Variants in CHD2 observed in about 807,000 individuals in gnomAD.
CHD2 encodes the protein chromodomain helicase DNA binding protein 2, also known as ATP-dependent chromatin remodeler CHD2.
In CHD2, 28 loss-of-function variants were observed where a neutral mutation model predicts 243.9. That is an observed-to-expected ratio of 0.11 (90% CI 0.09 to 0.16). CHD2 has a LOEUF of 0.16. CHD2 is among the 10% of genes least tolerant of loss of function. The pLI, the probability that CHD2 is intolerant of heterozygous loss-of-function variation, is 1.00. For synonymous variants in CHD2, 775 were observed against 779.0 expected (o/e 0.99, Z 0.09); for missense variants, 1,386 against 2,209.8 (o/e 0.63, Z 7.47).
chr15:92,920,977 G>A (rs186889707), intron 2 of CHD2, among the ~76,000 whole-genome samples: 1 of 152,020 alleles, frequency 6.6e-6, no homozygotes, highest in Non-Finnish European at 1.5e-5. Context: ...AGCTGCCGGA[G>A]CTTTGGAGTG....
At chr15:92,906,161 G>T (rs1449215495) in intron 2 of CHD2, among the ~76,000 whole-genome samples, 2 of 152,090 alleles carry the variant, frequency 1.3e-5, no homozygotes, top group Admixed American at 1.3e-4. Flanking sequence ...AGTGTTCTTA[G>T]GTATGTTTGT....
chr15:92,947,776 T>G (rs1270707216), intron 12 of CHD2, among the ~76,000 whole-genome samples: 1 of 152,108 alleles, frequency 6.6e-6, no homozygotes, highest in Non-Finnish European at 1.5e-5. Flanking sequence ...GTTTTGGAGT[T>G]GAGAGTAAGC....
At chr15:93,010,713 T>G (rs1441227696) in intron 35 of CHD2, among the ~76,000 whole-genome samples, 2 of 152,316 alleles carry the variant, frequency 1.3e-5, no homozygotes, top group East Asian at 3.9e-4. Flanking sequence ...CATGAGCCAC[T>G]GCGCCCAGCC....
Position 93,020,328 on chromosome 15 carries a change from T to C in CHD2, c.5153+70T>C, listed in dbSNP as rs185298961. ...AGCTGTTTCTAGGGAGAAAGTGACG[T>C]ATACATGAATGTATTTATCTATCAA... On this transcript the variant is annotated intron_variant, in intron 38 of 38. Transcript: ENST00000394196. 6,846 of 1,567,242 alleles carry C rather than the reference T, an allele frequency of 4.4e-3. 26 individuals are homozygous for C. The highest frequency in any genetic ancestry group is 5.3e-3 in the Non-Finnish European group (6,012 of 1,139,458).
chr15:93,009,242 A>G lies in CHD2; in HGVS notation c.4511A>G (p.Asn1504Ser), dbSNP rs2141881607. Reference sequence around the variant, plus strand: ...CAAGAACAGCTGGAACACACCCGGAACTGCCTGCTGAAAATCGGAGACCGG... The same window carrying G: ...CAAGAACAGCTGGAACACACCCGGAGCTGCCTGCTGAAAATCGGAGACCGG... Reference protein sequence around the residue: ...NVQEQLEHTRNCLLKIGDRIA... With the variant: ...NVQEQLEHTRSCLLKIGDRIA... Residue 1504 changes from asparagine to serine, a missense_variant, in exon 35 of 39, where the codon AAC (asparagine) becomes AGC (serine). Physicochemically the swap from Asn to Ser is conservative, Grantham distance 46 (BLOSUM62 1). Transcript: ENST00000394196. The G allele has an allele frequency of 6.2e-7, 1 of 1,614,236 alleles. No individual in the cohort carries two copies. The highest frequency in any genetic ancestry group is 8.5e-7 in the Non-Finnish European group (1 of 1,180,032).
chr15:92,961,793 T>C (rs916167089), intron 16 of CHD2, among the ~76,000 whole-genome samples: 3 of 152,040 alleles, frequency 2.0e-5, no homozygotes, highest in African/African-American at 7.2e-5. Context: ...TCTTGGTCAG[T>C]TCTAGCTAAG....
chr15:92,912,379 C>T (rs550408293), intron 2 of CHD2, among the ~76,000 whole-genome samples: 10 of 152,268 alleles, frequency 6.6e-5, no homozygotes, highest in East Asian at 5.8e-4. Context: ...AATCTTGAGG[C>T]GGAGTCTCGC....
chr15:92,945,559 G>A lies in CHD2; in HGVS notation c.1154-262G>A, dbSNP rs189223977. 755 of 144,902 alleles carry A rather than the reference G, an allele frequency of 5.2e-3. 2 individuals are homozygous for A. The highest frequency in any genetic ancestry group is 7.9e-3 in the Non-Finnish European group (556 of 70,336). 9.0% of individuals were successfully genotyped at this position (144,902 alleles called of 1,614,324 possible). ...GGCACCCCCCACCCCCACCACGCCC[G>A]GCTAATTTCTATATTTTTAGTAGAG... On this transcript the variant is annotated intron_variant, in intron 10 of 38. Transcript: ENST00000394196.
chr15:92,955,303 T>C (rs948734835), intron 14 of CHD2, 120 bp from the exon 15 acceptor site: 3 of 575,364 alleles, frequency 5.2e-6, no homozygotes, highest in Admixed American at 4.1e-5. Context: ...GAGATATTCA[T>C]TGAATTCTAA....
rs1341007534 is a variant in CHD2 at position 93,024,810 on chromosome 15, A to G, written c.*105A>G. Reference sequence around the variant, plus strand: ...TAGACCAGTAAGTGGAGTTTTGGACATGCTGCTGCTGTCAACTCACTGGCT... The same window carrying G: ...TAGACCAGTAAGTGGAGTTTTGGACGTGCTGCTGCTGTCAACTCACTGGCT... On this transcript the variant is annotated 3_prime_UTR_variant, in exon 39 of 39. Coordinates refer to ENST00000394196, the MANE Select transcript of CHD2 (RefSeq NM_001271.4). 1.0e-6 allele frequency: 1 copy of G among 966,370 alleles called. No homozygotes were observed. Among genetic ancestry groups the G allele is most frequent in the Middle Eastern group, 3.2e-4 (1 of 3,154 alleles). The allele number at this position is 966,370 out of a possible 1,614,324, so 59.9% of individuals were successfully genotyped here. A position where few individuals can be genotyped will look rare whatever the true frequency, so the allele number is the denominator to read the frequency against.
intron 20 of CHD2, among the ~76,000 whole-genome samples, 170 bp downstream of exon 20, chr15:92,975,120 A>G (rs995764059): frequency 1.3e-5 from 2 of 152,246 alleles, no homozygotes; most frequent in African/African-American, 4.8e-5. Context: ...TTGTCACTCC[A>G]GAAAAATAAA....
At chr15:92,971,987 T>A in intron 18 of CHD2, 60 bp downstream of exon 18, 1 of 1,512,736 alleles carries the variant, frequency 6.6e-7, no homozygotes, top group Non-Finnish European at 9.0e-7. Flanking sequence ...TAGGTGCTTT[T>A]CATCAGAATG....
In CHD2 at chr15:92,949,458, C is replaced by T. The variant is rs1447740894; in HGVS notation, c.1502+382C>T. On this transcript the variant is annotated intron_variant, in intron 13 of 38. Transcript: ENST00000394196. Reference sequence around the variant, plus strand: ...TTTTCACATGTATTTTCTTTCTAGGCCAGGGAAGCCTTTAAATTAATTTCC... The same window carrying T: ...TTTTCACATGTATTTTCTTTCTAGGTCAGGGAAGCCTTTAAATTAATTTCC... 3.9e-5 allele frequency among the ~76,000 whole-genome samples: 6 copies of T among 152,218 alleles called. No homozygotes were observed. The East Asian group carries it at 1.2e-3, about 29-fold the overall frequency.
intron 3 of CHD2, among the ~76,000 whole-genome samples, chr15:92,926,287 A>T (rs1184827522): frequency 1.3e-5 from 2 of 152,200 alleles, no homozygotes; most frequent in East Asian, 3.8e-4. Flanking sequence ...ACATTTCACA[A>T]GTCTCAGCTA....
At chr15:92,933,000 C>G (rs965720613) in intron 5 of CHD2, among the ~76,000 whole-genome samples, 2 of 151,360 alleles carry the variant, frequency 1.3e-5, no homozygotes, top group Non-Finnish European at 2.9e-5. Flanking sequence ...GCCTCAGCCT[C>G]CCTAAGTGCT....
intron 26 of CHD2, among the ~76,000 whole-genome samples, chr15:92,990,091 G>A (rs1043916966): frequency 6.6e-6 from 1 of 152,176 alleles, no homozygotes; most frequent in Non-Finnish European, 1.5e-5. Context: ...TTTGGACAGG[G>A]CTATTCACAC....
chr15:92,984,259 C>A, intron 24 of CHD2, 71 bp from the exon 25 acceptor site: 1 of 1,194,484 alleles, frequency 8.4e-7, no homozygotes, highest in Non-Finnish European at 1.1e-6. Flanking sequence ...GATAAAAACA[C>A]TGGATAAATT....
chr15:92,978,936 C>T (rs965916749), intron 21 of CHD2, among the ~76,000 whole-genome samples, 199 bp from the exon 22 acceptor site: 3 of 152,182 alleles, frequency 2.0e-5, no homozygotes, highest in Admixed American at 2.0e-4. Context: ...TTATTTAAGA[C>T]TGTAACCTGC....
intron 19 of CHD2, among the ~76,000 whole-genome samples, chr15:92,973,538 A>G (rs923416307): frequency 4.6e-5 from 7 of 152,210 alleles, no homozygotes; most frequent in Admixed American, 1.3e-4. Flanking sequence ...CTTTGAGACT[A>G]TCAGATTGAT....
Sources: allele counts gnomAD v4.1 joint callset (sites outside exome capture counted in the v4.1 genomes callset), GRCh38; gene constraint gnomAD v4.1.1; transcripts MANE v1.5; gene names NCBI Gene and HGNC (gene_info 2026-07-23, HGNC 2026-07-21).